The following CRPPA variants were observed in gnomAD, a reference collection of about 807,000 sequenced individuals.
CRPPA encodes D-ribitol-5-phosphate cytidylyltransferase.
In CRPPA, 43 loss-of-function variants were observed where a neutral mutation model predicts 52.0. That is an observed-to-expected ratio of 0.83 (90% CI 0.65 to 1.07). The LOEUF (loss-of-function observed/expected upper bound fraction) is 1.07, where lower values mean the gene tolerates loss of function less well. Ranked by LOEUF, CRPPA falls within the 50% of genes least tolerant of loss-of-function variation. CRPPA has a pLI of 0.00. For missense variants in CRPPA, 629 were observed against 551.7 expected, an observed-to-expected ratio of 1.14 and a Z score of -1.40; for synonymous variants, 250 against 203.5, an observed-to-expected ratio of 1.23 and a Z score of -1.94.
chr7:16,312,282 T>C (rs1469807773), intron 3 of CRPPA, among the ~76,000 whole-genome samples: 1 of 152,024 alleles, frequency 6.6e-6, no homozygotes, highest in Non-Finnish European at 1.5e-5. Flanking sequence ...TATGTAGTTC[T>C]TTGAAGTCTT....
At position 16,111,218 on chromosome 7, in the gene CRPPA, C is replaced by T. The variant is rs946917475; in HGVS notation, c.1252-19419G>A. 7.2e-5 allele frequency among the ~76,000 whole-genome samples: 11 copies of T among 151,982 alleles called. No homozygotes were observed. In the East Asian group the frequency reaches 1.7e-3, roughly 24 times the overall value. On this transcript the variant is annotated intron_variant, in intron 9 of 9. Coordinates refer to ENST00000407010, the MANE Select transcript of CRPPA (RefSeq NM_001101426.4). ...ATCACTAGAGAAATGCAAATTTAAC[C>T]TACAATAAGATATCATCTCACACCT...
At chr7:16,326,987 G>T (rs1378824745) in intron 3 of CRPPA, among the ~76,000 whole-genome samples, 1 of 152,098 alleles carries the variant, frequency 6.6e-6, no homozygotes, top group Non-Finnish European at 1.5e-5. Context: ...AGGAGATTGG[G>T]TCTTACCATC....
At chr7:16,394,435 T>A (rs1787520384) in intron 2 of CRPPA, among the ~76,000 whole-genome samples, 1 of 152,042 alleles carries the variant, frequency 6.6e-6, no homozygotes, top group Non-Finnish European at 1.5e-5. Context: ...GTTATACAAC[T>A]AAAGAGAAAA....
At chr7:16,169,929 A>G (rs1425296179) in intron 9 of CRPPA, among the ~76,000 whole-genome samples, 2 of 152,222 alleles carry the variant, frequency 1.3e-5, no homozygotes, top group Admixed American at 1.3e-4. Flanking sequence ...AATAATTTAG[A>G]TATTCCTGTT....
chr7:16,347,625 C>T (rs532369326), intron 3 of CRPPA, among the ~76,000 whole-genome samples: 2 of 152,266 alleles, frequency 1.3e-5, no homozygotes, highest in Admixed American at 1.3e-4. Flanking sequence ...TAGACATCTA[C>T]TCACAGATGA....
intron 3 of CRPPA, among the ~76,000 whole-genome samples, chr7:16,351,036 T>G (rs1254316840): frequency 6.6e-6 from 1 of 151,950 alleles, no homozygotes; most frequent in Non-Finnish European, 1.5e-5. Context: ...GGACAATTCA[T>G]CAAAAAGGAT....
At chr7:16,379,597 C>T (rs1787016218) in intron 2 of CRPPA, among the ~76,000 whole-genome samples, 1 of 152,202 alleles carries the variant, frequency 6.6e-6, no homozygotes, top group South Asian at 2.1e-4. Flanking sequence ...GCCATTTTCA[C>T]AATATTGATT....
chr7:16,347,524 A>C lies in CRPPA; in HGVS notation c.684+28568T>G, dbSNP rs1786044192. 1.3e-5 allele frequency among the ~76,000 whole-genome samples: 2 copies of C among 152,158 alleles called. 1 individual carries two copies. Among genetic ancestry groups the C allele is most frequent in the Admixed American group, 1.3e-4 (2 of 15,270 alleles). On this transcript the variant is annotated intron_variant, in intron 3 of 9. Coordinates refer to ENST00000407010, the MANE Select transcript of CRPPA (RefSeq NM_001101426.4). ...ATGCCACTATTTTATCGTTCAGAAA[A>C]TATAGTCAAGAAGCAGTCAGGGATA... is the stretch of plus-strand genomic sequence containing the variant.
intron 3 of CRPPA, among the ~76,000 whole-genome samples, chr7:16,354,968 A>G (rs1786257475): frequency 6.6e-6 from 1 of 152,230 alleles, no homozygotes; most frequent in African/African-American, 2.4e-5. Flanking sequence ...ATGTACAGCC[A>G]AATATACTCC....
At chr7:16,159,898 A>G (rs1019779761) in intron 9 of CRPPA, among the ~76,000 whole-genome samples, 2 of 151,952 alleles carry the variant, frequency 1.3e-5, no homozygotes, top group South Asian at 2.1e-4. Flanking sequence ...AATGATCGCC[A>G]TTCTCATTGT....
intron 9 of CRPPA, among the ~76,000 whole-genome samples, chr7:16,147,443 A>G (rs1782996075): frequency 6.6e-6 from 1 of 152,182 alleles, no homozygotes; most frequent in Non-Finnish European, 1.5e-5. Flanking sequence ...CCTTCAGTTT[A>G]ACTTATCAGT....
At chr7:16,196,856 T>C (rs1450510980) in intron 9 of CRPPA, among the ~76,000 whole-genome samples, 1 of 152,182 alleles carries the variant, frequency 6.6e-6, no homozygotes, top group East Asian at 1.9e-4. Flanking sequence ...TCTTAGAGTT[T>C]TGCTGCCGTT....
intron 8 of CRPPA, among the ~76,000 whole-genome samples, chr7:16,228,224 G>A (rs752862009): frequency 6.6e-6 from 1 of 151,636 alleles, no homozygotes; most frequent in African/African-American, 2.4e-5. Context: ...TCAGGGTCTA[G>A]CAAAAGATTT....
chr7:16,162,973 C>CTTTTTT lies in CRPPA; in HGVS notation c.1251+53087_1251+53092dup, dbSNP rs377244023. 5.8e-5 allele frequency among the ~76,000 whole-genome samples: 7 copies of CTTTTTT among 120,826 alleles called. 1 individual carries two copies. The highest frequency in any genetic ancestry group is 6.8e-5 in the Non-Finnish European group (4 of 58,666). 79.3% of individuals were successfully genotyped at this position (120,826 alleles called of 152,430 possible). On this transcript the variant is annotated intron_variant, in intron 9 of 9. Coordinates refer to ENST00000407010, the MANE Select transcript of CRPPA (RefSeq NM_001101426.4). The stretch of plus-strand genomic sequence containing the variant: ...TTTTTTTCTTTTTCTTTTTCTTTCT[C>CTTTTTT]TTTTTTTTTTTTTTTTTTGAGACGG...
intron 9 of CRPPA, among the ~76,000 whole-genome samples, chr7:16,092,188 T>G (rs947779812): frequency 6.6e-6 from 1 of 152,200 alleles, no homozygotes; most frequent in Non-Finnish European, 1.5e-5. Flanking sequence ...ATGAACTGTT[T>G]GTGAGTACCG....
At chr7:16,201,572 C>A (rs1450316386) in intron 9 of CRPPA, among the ~76,000 whole-genome samples, 5 of 152,166 alleles carry the variant, frequency 3.3e-5, no homozygotes, top group Non-Finnish European at 7.3e-5. Flanking sequence ...TCAACAAATT[C>A]TACTCTCCCT....
chr7:16,095,185 G>A (rs542558013), intron 9 of CRPPA, among the ~76,000 whole-genome samples: 5 of 152,136 alleles, frequency 3.3e-5, no homozygotes, highest in South Asian at 2.1e-4. Flanking sequence ...GTTATGTTCC[G>A]GATTACAAAA....
At chr7:16,110,760 T>C (rs1782245595) in intron 9 of CRPPA, among the ~76,000 whole-genome samples, 1 of 152,122 alleles carries the variant, frequency 6.6e-6, no homozygotes, top group South Asian at 2.1e-4. Context: ...AGAATGAAAT[T>C]GGGCCCTAAT....
intron 4 of CRPPA, among the ~76,000 whole-genome samples, chr7:16,305,221 G>A (rs1287665541): frequency 1.3e-5 from 2 of 152,062 alleles, no homozygotes; most frequent in African/African-American, 4.8e-5. Context: ...ACAAGAGGCA[G>A]AAAGAGAAAA....
Sources: allele counts gnomAD v4.1 joint callset (sites outside exome capture counted in the v4.1 genomes callset), GRCh38; gene constraint gnomAD v4.1.1; transcripts MANE v1.5; gene names NCBI Gene and HGNC (gene_info 2026-07-23, HGNC 2026-07-21).